The following GOLM1 variants were observed in gnomAD, a reference collection of about 807,000 sequenced individuals.
GOLM1 encodes epididymis luminal protein 46.
A neutral mutation model predicts 50.5 loss-of-function variants in GOLM1; 31 were observed. The observed-to-expected ratio is 0.61, with a 90% confidence interval of 0.46 to 0.83. GOLM1 has a LOEUF of 0.83. GOLM1 is among the 40% of genes least tolerant of loss of function. GOLM1 has a pLI of 0.00. For synonymous variants in GOLM1, 178 were observed against 192.8 expected, an observed-to-expected ratio of 0.92 and a Z score of 0.64; for missense variants, 491 against 501.3, an observed-to-expected ratio of 0.98 and a Z score of 0.20.
Position 86,027,669 on chromosome 9 carries a change from C to T in GOLM1, c.*148G>A. 2 of 1,410,812 alleles carry T rather than the reference C, an allele frequency of 1.4e-6. No individual in the cohort carries two copies. Among genetic ancestry groups the T allele is most frequent in the South Asian group, 1.6e-5 (1 of 60,820 alleles). 87.4% of individuals were successfully genotyped at this position (1,410,812 alleles called of 1,614,324 possible). ...TAAAAGACCATTCCATTTTTTCCTA[C>T]ACAAAGTGCATACTAAAATTTCACA... is the stretch of plus-strand genomic sequence containing the variant. On this transcript the variant is annotated 3_prime_UTR_variant, in exon 10 of 10. Transcript: ENST00000388712.
intron 1 of GOLM1, among the ~76,000 whole-genome samples, chr9:86,097,532 TC>T (rs1176749713): frequency 6.6e-6 from 1 of 151,822 alleles, no homozygotes; most frequent in Non-Finnish European, 1.5e-5. Context: ...AGAACACCGC[TC>T]CCCCGCCCCC....
intron 1 of GOLM1, among the ~76,000 whole-genome samples, chr9:86,088,667 G>A (rs537091528): frequency 6.7e-6 from 1 of 149,192 alleles, no homozygotes; most frequent in Non-Finnish European, 1.5e-5. Context: ...CTCTGCGTGT[G>A]AGATGGGTCT....
chr9:86,064,373 T>C (rs1021296247), intron 3 of GOLM1, among the ~76,000 whole-genome samples: 2 of 152,198 alleles, frequency 1.3e-5, no homozygotes, highest in Non-Finnish European at 2.9e-5. Flanking sequence ...CAATTCACAC[T>C]TTCCCGCACC....
intron 1 of GOLM1, among the ~76,000 whole-genome samples, chr9:86,089,034 T>C (rs11141222): frequency 0.42 from 64,465 of 152,012 alleles, 15,748 homozygotes; most frequent in Non-Finnish European, 0.57. Context: ...TTAGTTTGGC[T>C]AGATATGAAA....
intron 4 of GOLM1, among the ~76,000 whole-genome samples, chr9:86,047,524 A>C (rs1458214651): frequency 6.6e-6 from 1 of 152,084 alleles, no homozygotes; most frequent in Non-Finnish European, 1.5e-5. Flanking sequence ...TGCTGGGCCT[A>C]GACAGAGAGG....
intron 3 of GOLM1, among the ~76,000 whole-genome samples, chr9:86,060,042 A>G (rs1834112532): frequency 6.6e-6 from 1 of 152,170 alleles, no homozygotes; most frequent in African/African-American, 2.4e-5. Flanking sequence ...ATTTTATCCC[A>G]ACTTTAAAAA....
intron 5 of GOLM1, 75 bp from the exon 6 acceptor site, chr9:86,040,943 A>G (rs991549071): frequency 4.9e-6 from 7 of 1,442,436 alleles, no homozygotes; most frequent in South Asian, 2.5e-5. Context: ...ATCCACTTCC[A>G]TAAGAGACAC....
chr9:86,071,153 A>G (rs940174848), intron 3 of GOLM1, among the ~76,000 whole-genome samples: 7 of 152,040 alleles, frequency 4.6e-5, no homozygotes, highest in Non-Finnish European at 1.0e-4. Flanking sequence ...GCTGGAGCAC[A>G]GTGGTGCAAT....
intron 1 of GOLM1, among the ~76,000 whole-genome samples, chr9:86,088,572 GTT>G (rs71505776): frequency 6.4e-5 from 7 of 108,784 alleles, no homozygotes; most frequent in African/African-American, 1.9e-4. Context: ...TCCTGGTTTT[GTT>G]TTTTTTTTTT....
intron 1 of GOLM1, among the ~76,000 whole-genome samples, chr9:86,085,914 G>A (rs1258290231): frequency 1.3e-5 from 2 of 152,082 alleles, no homozygotes; most frequent in African/African-American, 2.4e-5. Flanking sequence ...CTTTGCTATC[G>A]TGAACAGTGC....
At chr9:86,057,667 G>T (rs1834032583) in intron 3 of GOLM1, among the ~76,000 whole-genome samples, 1 of 152,234 alleles carries the variant, frequency 6.6e-6, no homozygotes, top group African/African-American at 2.4e-5. Context: ...GCTCCCGGCT[G>T]GAAGCGGAGC....
At chr9:86,031,087 C>T (rs1465304938) in intron 9 of GOLM1, among the ~76,000 whole-genome samples, 2 of 152,052 alleles carry the variant, frequency 1.3e-5, no homozygotes, top group Non-Finnish European at 2.9e-5. Context: ...GCGTGCGCCT[C>T]TAATCTCAGC....
At chr9:86,029,777 C>T (rs1478806616) in intron 9 of GOLM1, among the ~76,000 whole-genome samples, 1 of 152,178 alleles carries the variant, frequency 6.6e-6, no homozygotes, top group African/African-American at 2.4e-5. Flanking sequence ...ACAAGGCACT[C>T]ATTTTCTTTA....
At chr9:86,031,454 T>A (rs571135840) in intron 9 of GOLM1, among the ~76,000 whole-genome samples, 3 of 140,954 alleles carry the variant, frequency 2.1e-5, no homozygotes, top group Admixed American at 2.1e-4. Context: ...CTGAGGTTTT[T>A]TTTTTTTTTT....
At chr9:86,042,034 G>A (rs915870900) in intron 5 of GOLM1, among the ~76,000 whole-genome samples, 23 of 152,182 alleles carry the variant, frequency 1.5e-4, no homozygotes, top group East Asian at 3.9e-4. Flanking sequence ...GGAGAATGGC[G>A]TGAACCCGGG....
At chr9:86,086,920 G>A (rs150258483) in intron 1 of GOLM1, among the ~76,000 whole-genome samples, 1 of 152,252 alleles carries the variant, frequency 6.6e-6, no homozygotes, top group East Asian at 1.9e-4. Context: ...GCTTAGGATT[G>A]TCTTGGCTAT....
At chr9:86,039,373 A>G (rs2118664714) in intron 6 of GOLM1, among the ~76,000 whole-genome samples, 1 of 152,360 alleles carries the variant, frequency 6.6e-6, no homozygotes, top group Non-Finnish European at 1.5e-5. Flanking sequence ...TGGTATGGCC[A>G]CTTTGGAAGA....
rs192198513 is a variant in GOLM1, at chr9:86,046,599, C to A, written c.365-27G>T. On this transcript the variant is annotated intron_variant, in intron 4 of 9. Transcript: ENST00000388712. ...TACACCAAGGGGACAAGGAATTGCA[C>A]AGGTCACCGGCACAGCTGTCATGCC... The A allele has an allele frequency of 6.0e-4, 855 of 1,413,578 alleles. 6 individuals carry two copies. In the African/African-American group the frequency reaches 0.01, roughly 17 times the overall value. The allele number at this position is 1,413,578 out of a possible 1,614,324, so 87.6% of individuals were successfully genotyped here.
intron 7 of GOLM1, 67 bp from the exon 8 acceptor site, chr9:86,035,692 A>C: frequency 1.6e-6 from 2 of 1,254,416 alleles, no homozygotes; most frequent in Non-Finnish European, 2.2e-6. Context: ...AAAAAAAAAA[A>C]AGCAAAACCT....
Sources: allele counts gnomAD v4.1 joint callset (sites outside exome capture counted in the v4.1 genomes callset), GRCh38; gene constraint gnomAD v4.1.1; transcripts MANE v1.5; gene names NCBI Gene and HGNC (gene_info 2026-07-23, HGNC 2026-07-21).